CNTNAP5: variants seen among roughly 807,000 people sequenced by gnomAD.
CNTNAP5 encodes contactin-associated protein-like 5.
CNTNAP5 carries 72 observed loss-of-function variants against 150.2 expected under a neutral mutation model. The observed-to-expected ratio is 0.48, with a 90% CI of 0.40 to 0.58. The LOEUF is 0.58. Among genes scored for constraint, CNTNAP5 ranks in the 20% least tolerant of loss-of-function variants. The pLI, the probability that CNTNAP5 is intolerant of heterozygous loss-of-function variation, is 0.00. For synonymous variants in CNTNAP5, 672 were observed against 619.8 expected, an observed-to-expected ratio of 1.08 and a Z score of -1.25; for missense variants, 1,636 against 1,626.2, an observed-to-expected ratio of 1.01 and a Z score of -0.10.
chr2:124,543,092 A>G (rs1328708852), intron 10 of CNTNAP5, among the ~76,000 whole-genome samples: 1 of 152,176 alleles, frequency 6.6e-6, no homozygotes, highest in Middle Eastern at 3.2e-3. Flanking sequence ...GAATAGCAAG[A>G]GTGCCTAATA....
chr2:124,270,718 T>C (rs1288629458), intron 3 of CNTNAP5, among the ~76,000 whole-genome samples: 2 of 152,098 alleles, frequency 1.3e-5, no homozygotes, highest in African/African-American at 4.8e-5. Context: ...TGTGTGTGTG[T>C]TTTAGGCCAA....
intron 11 of CNTNAP5, among the ~76,000 whole-genome samples, chr2:124,600,381 G>C (rs1360876688): frequency 6.6e-6 from 1 of 151,972 alleles, no homozygotes; most frequent in Non-Finnish European, 1.5e-5. Flanking sequence ...CTGGAGTAAC[G>C]CACTAGTAAC....
intron 3 of CNTNAP5, among the ~76,000 whole-genome samples, chr2:124,373,873 G>T (rs938682135): frequency 2.7e-5 from 4 of 147,800 alleles, no homozygotes; most frequent in Admixed American, 2.0e-4. Context: ...ATAGAATGAT[G>T]TACTAAGCTA....
At chr2:124,659,583 C>T (rs1678540944) in intron 13 of CNTNAP5, among the ~76,000 whole-genome samples, 1 of 152,192 alleles carries the variant, frequency 6.6e-6, no homozygotes, top group African/African-American at 2.4e-5. Context: ...ATTTTCTTCT[C>T]TGCGAAATAG....
intron 1 of CNTNAP5, among the ~76,000 whole-genome samples, chr2:124,219,301 C>T (rs190802879): frequency 1.3e-5 from 2 of 152,208 alleles, no homozygotes; most frequent in Admixed American, 6.5e-5. Flanking sequence ...TCAAAAATTT[C>T]ATCAGTCACA....
At chr2:124,367,005 C>A (rs929159841) in intron 3 of CNTNAP5, among the ~76,000 whole-genome samples, 1 of 152,152 alleles carries the variant, frequency 6.6e-6, no homozygotes, top group Admixed American at 6.5e-5. Flanking sequence ...TGGCACCACC[C>A]CAGGGGACAT....
In CNTNAP5 at chr2:124,725,042, G is replaced by A. The variant is rs369414107; in HGVS notation, c.2078-22187G>A. On this transcript the variant is annotated intron_variant, in intron 13 of 23. Transcript: ENST00000682447. ...GGGTAGTCTATTGAGGACATTTTCCGGCAAACTGCTCTGTGTTCTTCTGTA... is the reference window on the plus strand; with the variant it reads ...GGGTAGTCTATTGAGGACATTTTCCAGCAAACTGCTCTGTGTTCTTCTGTA... 2.7e-4 allele frequency among the ~76,000 whole-genome samples: 41 copies of A among 149,456 alleles called. No homozygotes were observed. In the South Asian group the frequency reaches 5.3e-3, roughly 19 times the overall value.
chr2:124,581,567 G>GA (rs1696414139), intron 11 of CNTNAP5, among the ~76,000 whole-genome samples: 1 of 152,200 alleles, frequency 6.6e-6, no homozygotes, highest in South Asian at 2.1e-4. Context: ...CAGGGACTGA[G>GA]AAAAAGTGTT....
At chr2:124,471,525 C>T (rs1056770627) in intron 6 of CNTNAP5, among the ~76,000 whole-genome samples, 5 of 152,150 alleles carry the variant, frequency 3.3e-5, no homozygotes, top group African/African-American at 9.7e-5. Context: ...GATAATTTGA[C>T]TTCCTTTCTT....
At chr2:124,843,251 T>G (rs570461588) in intron 19 of CNTNAP5, among the ~76,000 whole-genome samples, 33 of 152,196 alleles carry the variant, frequency 2.2e-4, no homozygotes, top group African/African-American at 6.7e-4. Context: ...TTGTTCCTTT[T>G]TATGGCTGAG....
intron 13 of CNTNAP5, among the ~76,000 whole-genome samples, chr2:124,731,812 G>C (rs1330416745): frequency 6.6e-6 from 1 of 151,594 alleles, no homozygotes; most frequent in Admixed American, 6.6e-5. Flanking sequence ...GTATGTGTGA[G>C]TGTGCATGTA....
At chr2:124,381,200 G>A (rs1455140794) in intron 3 of CNTNAP5, among the ~76,000 whole-genome samples, 1 of 152,152 alleles carries the variant, frequency 6.6e-6, no homozygotes, top group East Asian at 1.9e-4. Context: ...GAATAGTGGA[G>A]TAAAGTAGCC....
chr2:124,542,391 A>G (rs1204855777), intron 10 of CNTNAP5, among the ~76,000 whole-genome samples: 1 of 151,628 alleles, frequency 6.6e-6, no homozygotes, highest in Non-Finnish European at 1.5e-5. Context: ...TTACAAAGGG[A>G]AGTTAATGGC....
chr2:124,694,984 A>T (rs1425973580), intron 13 of CNTNAP5, among the ~76,000 whole-genome samples: 1 of 145,464 alleles, frequency 6.9e-6, no homozygotes, highest in Non-Finnish European at 1.5e-5. Flanking sequence ...CTAGTAGAAT[A>T]TTTCCTAAAT....
chr2:124,494,730 G>T (rs1694108064), intron 7 of CNTNAP5, among the ~76,000 whole-genome samples: 1 of 152,194 alleles, frequency 6.6e-6, no homozygotes, highest in African/African-American at 2.4e-5. Context: ...GAAATCATTT[G>T]AAAAGTAGTA....
intron 1 of CNTNAP5, among the ~76,000 whole-genome samples, chr2:124,032,990 CAG>C (rs1477812781): frequency 5.9e-5 from 9 of 152,146 alleles, no homozygotes. Flanking sequence ...CCCCCTCTGA[CAG>C]GGGGATAAAC....
intron 7 of CNTNAP5, among the ~76,000 whole-genome samples, chr2:124,482,825 A>G (rs1378310260): frequency 6.6e-6 from 1 of 152,186 alleles, no homozygotes; most frequent in Non-Finnish European, 1.5e-5. Context: ...GCAAAGGGTC[A>G]AAGCGCTTCC....
chr2:124,071,507 A>C (rs1682304109), intron 1 of CNTNAP5, among the ~76,000 whole-genome samples: 1 of 151,928 alleles, frequency 6.6e-6, no homozygotes, highest in African/African-American at 2.4e-5. Flanking sequence ...ATTGGAGATG[A>C]AAAATAAGAA....
At chr2:124,361,586 C>T (rs1690198897) in intron 3 of CNTNAP5, among the ~76,000 whole-genome samples, 1 of 142,930 alleles carries the variant, frequency 7.0e-6, no homozygotes, top group East Asian at 2.0e-4. Flanking sequence ...TGTCAGTGTG[C>T]CCCTGCTGGG....
Sources: gnomAD v4.1 joint callset for allele counts (sites outside exome capture counted in the v4.1 genomes callset) on GRCh38, gnomAD v4.1.1 for gene constraint, MANE v1.5 for transcripts, NCBI Gene and HGNC (gene_info 2026-07-23, HGNC 2026-07-21) for gene names.